KSR2: variants seen among roughly 807,000 people sequenced by gnomAD.
KSR2 encodes the protein kinase suppressor of ras 2.
In KSR2, 25 loss-of-function variants were observed where a neutral mutation model predicts 107.8. The ratio of observed to expected loss-of-function variants is 0.23; its 90% CI spans 0.17 to 0.32. The LOEUF (loss-of-function observed/expected upper bound fraction) is 0.32, where lower values mean the gene tolerates loss of function less well. KSR2 is among the 10% of genes least tolerant of loss of function. The pLI, the probability that KSR2 is intolerant of heterozygous loss-of-function variation, is 1.00. For synonymous variants in KSR2, 480 were observed against 507.0 expected (o/e 0.95, Z 0.71); for missense variants, 887 against 1,268.9 (o/e 0.70, Z 4.57).
chr12:117,714,088 T>A (rs1025029584), intron 4 of KSR2, among the ~76,000 whole-genome samples: 1 of 152,128 alleles, frequency 6.6e-6, no homozygotes, highest in Admixed American at 6.6e-5. Flanking sequence ...CAGCAGCTCT[T>A]CATTATCAAA....
In KSR2 at chr12:117,793,526, C is replaced by T. The variant is rs542715004; in HGVS notation, c.473-32002G>A. ...CCTTACACCAATATGCACACATACA[C>T]CAACGTGCACTCACGCCAACATGCA... On this transcript the variant is annotated intron_variant, in intron 3 of 19. Transcript: ENST00000339824. Among the ~76,000 whole-genome samples the T allele has an allele frequency of 3.0e-5, 3 of 101,302 alleles. No individual in the cohort carries two copies. The South Asian group carries it at 1.1e-3, about 39-fold the overall frequency. The allele number at this position is 101,302 out of a possible 152,430, so 66.5% of individuals were successfully genotyped here. A position where few individuals can be genotyped will look rare whatever the true frequency, so the allele number is the denominator to read the frequency against.
At chr12:117,936,529 A>AG (rs201264106) in intron 1 of KSR2, among the ~76,000 whole-genome samples, 6,725 of 75,964 alleles carry the variant, frequency 0.089, 177 homozygotes, top group Admixed American at 0.1. Flanking sequence ...TATTATTATT[A>AG]TTATTAGTAG....
chr12:117,619,155 C>T (rs935278435), intron 5 of KSR2, among the ~76,000 whole-genome samples: 1 of 151,938 alleles, frequency 6.6e-6, no homozygotes, highest in African/African-American at 2.4e-5. Flanking sequence ...GGTGCAATAG[C>T]TCTTTCCTGG....
intron 3 of KSR2, among the ~76,000 whole-genome samples, chr12:117,828,163 C>T (rs545996310): frequency 4.6e-5 from 7 of 152,264 alleles, no homozygotes; most frequent in Admixed American, 1.3e-4. Context: ...ACTTGTTCAC[C>T]GCTGCGTCCC....
intron 4 of KSR2, among the ~76,000 whole-genome samples, chr12:117,680,169 C>T (rs901574621): frequency 6.6e-6 from 1 of 152,182 alleles, no homozygotes; most frequent in Non-Finnish European, 1.5e-5. Context: ...TTCTCTATTC[C>T]TGTTCACTCC....
intron 14 of KSR2, among the ~76,000 whole-genome samples, chr12:117,518,891 T>C (rs775303502): frequency 5.1e-4 from 77 of 152,216 alleles, no homozygotes; most frequent in Admixed American, 8.5e-4. Context: ...AAGCCCCCTC[T>C]GAGCCCCTCT....
chr12:117,751,122 TAGTG>T (rs1565995127), intron 4 of KSR2, among the ~76,000 whole-genome samples: 1 of 152,150 alleles, frequency 6.6e-6, no homozygotes, highest in East Asian at 1.9e-4. Flanking sequence ...GTTTTCATGA[TAGTG>T]AGTGAGTTCT....
rs544138395 is a variant in KSR2, at chr12:117,593,442, C to T, written c.1172-11083G>A. 1.1e-4 allele frequency among the ~76,000 whole-genome samples: 16 copies of T among 152,344 alleles called. No individual in the cohort carries two copies. The South Asian group carries it at 3.3e-3, about 32-fold the overall frequency. ...CACAGCCTGGAATCTGCAAGTTGGG[C>T]TTGACATTTGGACCCAGAAACTGGT... On this transcript the variant is annotated intron_variant, in intron 5 of 19. Transcript: ENST00000339824.
chr12:117,866,014 T>C (rs1893454357), intron 1 of KSR2, among the ~76,000 whole-genome samples: 1 of 150,632 alleles, frequency 6.6e-6, no homozygotes, highest in South Asian at 2.1e-4. Flanking sequence ...CTCTCTAACC[T>C]CTGTAACACT....
At chr12:117,580,690 G>A (rs1190138037) in intron 6 of KSR2, among the ~76,000 whole-genome samples, 1 of 152,192 alleles carries the variant, frequency 6.6e-6, no homozygotes, top group Non-Finnish European at 1.5e-5. Flanking sequence ...AGCTCCTCTG[G>A]GAAGACATTC....
At chr12:117,641,242 G>T (rs752361450) in intron 5 of KSR2, among the ~76,000 whole-genome samples, 1 of 152,092 alleles carries the variant, frequency 6.6e-6, no homozygotes, top group East Asian at 1.9e-4. Context: ...GATTACAGGC[G>T]TGTGCCACCA....
chr12:117,858,694 T>G (rs983661248), intron 2 of KSR2, among the ~76,000 whole-genome samples: 12 of 152,216 alleles, frequency 7.9e-5, no homozygotes, highest in African/African-American at 2.4e-5. Flanking sequence ...ACAAGGCTAA[T>G]GCACAGTGCT....
intron 5 of KSR2, among the ~76,000 whole-genome samples, chr12:117,593,394 G>T (rs1467068591): frequency 2.6e-5 from 4 of 152,220 alleles, no homozygotes; most frequent in Non-Finnish European, 5.9e-5. Context: ...TGCAGGGCAG[G>T]GGGAGATGGG....
rs1444558262 is a variant in KSR2, at chr12:117,893,327, T to C, written c.181-32896A>G. On this transcript the variant is annotated intron_variant, in intron 1 of 19. Coordinates refer to ENST00000339824, the MANE Select transcript of KSR2 (RefSeq NM_173598.6). Reference sequence around the variant, plus strand: ...CCACTGTGCCCAGCGAGACCATATATAGACTAAAAATGTCTTTTCAAAAAA... The same window carrying C: ...CCACTGTGCCCAGCGAGACCATATACAGACTAAAAATGTCTTTTCAAAAAA... Among the ~76,000 whole-genome samples the C allele has an allele frequency of 3.9e-5, 6 of 152,254 alleles. No individual in the cohort carries two copies. The East Asian group carries it at 7.7e-4, about 20-fold the overall frequency.
chr12:117,834,315 T>C (rs1396954202), intron 3 of KSR2, among the ~76,000 whole-genome samples: 2 of 151,900 alleles, frequency 1.3e-5, no homozygotes, highest in African/African-American at 2.4e-5. Flanking sequence ...AACTCTGTCC[T>C]TCTTTCCAAA....
intron 4 of KSR2, among the ~76,000 whole-genome samples, chr12:117,686,891 C>T (rs1219436897): frequency 6.6e-6 from 1 of 152,166 alleles, no homozygotes. Flanking sequence ...ATCCACGCAT[C>T]AGAGCCCGAG....
At chr12:117,818,957 G>A (rs1279355843) in intron 3 of KSR2, among the ~76,000 whole-genome samples, 1 of 152,106 alleles carries the variant, frequency 6.6e-6, no homozygotes, top group Non-Finnish European at 1.5e-5. Flanking sequence ...GACCAGGGCA[G>A]CCCCCAAAAC....
At chr12:117,642,699 T>A (rs1883433600) in intron 5 of KSR2, among the ~76,000 whole-genome samples, 1 of 152,220 alleles carries the variant, frequency 6.6e-6, no homozygotes, top group Non-Finnish European at 1.5e-5. Flanking sequence ...TTTTCATTAA[T>A]CAATGATATG....
rs770736440 is a variant in KSR2 at position 117,925,127 on chromosome 12, C to CT, written c.180+42948dup. On this transcript the variant is annotated intron_variant, in intron 1 of 19. Transcript: ENST00000339824. ...AAGTTTGTTATACTATATTTTCTTT[C>CT]TTTTTTTTTTTTTTCAGACAGGGTC... Among the ~76,000 whole-genome samples the CT allele has an allele frequency of 3.1e-3, 444 of 141,222 alleles. 2 individuals carry two copies. Among genetic ancestry groups the CT allele is most frequent in the African/African-American group, 7.9e-3 (306 of 38,952 alleles). 92.6% of individuals were successfully genotyped at this position (141,222 alleles called of 152,430 possible).
Sources: allele counts gnomAD v4.1 joint callset (sites outside exome capture counted in the v4.1 genomes callset), GRCh38; gene constraint gnomAD v4.1.1; transcripts MANE v1.5; gene names NCBI Gene and HGNC (gene_info 2026-07-23, HGNC 2026-07-21).